Variants in ADGRV1 observed in about 807,000 individuals in gnomAD.
ADGRV1 encodes the protein G-protein coupled receptor 98.
Under a neutral mutation model 596.2 loss-of-function variants are expected in ADGRV1, and 359 were observed. The observed-to-expected ratio is 0.60, with a 90% CI of 0.55 to 0.66. The LOEUF (loss-of-function observed/expected upper bound fraction) is 0.66, where lower values mean the gene tolerates loss of function less well. ADGRV1 is among the 30% of genes least tolerant of loss of function. The pLI, the probability that ADGRV1 is intolerant of heterozygous loss-of-function variation, is 0.00. For missense variants in ADGRV1, 7,274 were observed against 7,575.6 expected, an observed-to-expected ratio of 0.96 and a Z score of 1.48; for synonymous variants, 2,681 against 2,679.2, an observed-to-expected ratio of 1.00 and a Z score of -0.02.
At chr5:90,728,268 G>A (rs1752060625) in intron 48 of ADGRV1, among the ~76,000 whole-genome samples, 1 of 152,160 alleles carries the variant, frequency 6.6e-6, no homozygotes, top group Admixed American at 6.5e-5. Context: ...TATTGCTCGA[G>A]CAATTGATAA....
chr5:90,851,134 T>TGTGTGAGAGAGAGA (rs757909771), intron 79 of ADGRV1, among the ~76,000 whole-genome samples: 63 of 81,508 alleles, frequency 7.7e-4, no homozygotes, highest in Admixed American at 2.2e-3. Context: ...TGTGTGTGTG[T>TGTGTGAGAGAGAGA]GAGAGAGAGA....
chr5:90,619,046 A>T, intron 3 of ADGRV1, 40 bp from the exon 4 acceptor site: 1 of 957,154 alleles, frequency 1.0e-6, no homozygotes. Flanking sequence ...TTATTATTTT[A>T]TTTTTAATTC....
At chr5:91,060,396 A>ATTTTT (rs1403489090) in intron 85 of ADGRV1, among the ~76,000 whole-genome samples, 9 of 27,202 alleles carry the variant, frequency 3.3e-4, no homozygotes, top group African/African-American at 6.9e-4. Context: ...ATATATATAT[A>ATTTTT]TATTTTTTTT....
intron 83 of ADGRV1, among the ~76,000 whole-genome samples, chr5:90,920,247 C>T (rs190482245): frequency 1.8e-3 from 267 of 152,178 alleles, no homozygotes; most frequent in African/African-American, 5.8e-3. Context: ...AAAGGGCCAG[C>T]GAGCTCTCTT....
chr5:90,724,176 G>T (rs1011330659), intron 45 of ADGRV1, among the ~76,000 whole-genome samples: 11 of 152,018 alleles, frequency 7.2e-5, no homozygotes, highest in Non-Finnish European at 1.2e-4. Context: ...CAGCTTTACA[G>T]AAGTTGATAA....
chr5:90,911,553 G>A (rs959457628), intron 83 of ADGRV1, among the ~76,000 whole-genome samples: 1 of 152,170 alleles, frequency 6.6e-6, no homozygotes, highest in African/African-American at 2.4e-5. Flanking sequence ...GGAAAATAAA[G>A]TTTATTTTAG....
chr5:91,016,967 G>A (rs977684859), intron 85 of ADGRV1, among the ~76,000 whole-genome samples: 11 of 151,864 alleles, frequency 7.2e-5, no homozygotes, highest in Admixed American at 2.6e-4. Flanking sequence ...ATTGGAAGAC[G>A]TAGGGATATT....
intron 1 of ADGRV1, among the ~76,000 whole-genome samples, chr5:90,568,112 A>T (rs1215397196): frequency 6.6e-6 from 1 of 151,410 alleles, no homozygotes; most frequent in African/African-American, 2.4e-5. Context: ...TCTATATTTT[A>T]TTTGTTCCCA....
chr5:90,595,877 T>G (rs1372406011), intron 1 of ADGRV1, among the ~76,000 whole-genome samples: 8 of 131,710 alleles, frequency 6.1e-5, no homozygotes, highest in Admixed American at 1.5e-4. Context: ...GCGGCTGGCC[T>G]GGCGGGGGGC....
chr5:90,729,868 G>GTT, intron 50 of ADGRV1, 104 bp downstream of exon 50: 6 of 1,197,460 alleles, frequency 5.0e-6, no homozygotes, highest in African/African-American at 1.6e-5. Flanking sequence ...CAGACACTGG[G>GTT]TATTTTTTTT....
intron 78 of ADGRV1, among the ~76,000 whole-genome samples, chr5:90,845,299 T>G (rs1765771803): frequency 6.6e-6 from 1 of 152,168 alleles, no homozygotes; most frequent in Non-Finnish European, 1.5e-5. Context: ...TCCTCACAGG[T>G]TGTTGTGAAG....
chr5:90,829,581 C>G (rs1414986344), intron 77 of ADGRV1, among the ~76,000 whole-genome samples: 1 of 152,130 alleles, frequency 6.6e-6, no homozygotes, highest in Non-Finnish European at 1.5e-5. Context: ...ACCTCCAACA[C>G]TAGCTGATCT....
At chr5:90,672,157 A>G (rs1393948649) in intron 21 of ADGRV1, among the ~76,000 whole-genome samples, 1 of 152,170 alleles carries the variant, frequency 6.6e-6, no homozygotes, top group African/African-American at 2.4e-5. Context: ...TGCTGAGCCC[A>G]TTATAAAATT....
intron 83 of ADGRV1, among the ~76,000 whole-genome samples, chr5:90,910,250 G>T (rs1374869263): frequency 6.6e-6 from 1 of 152,188 alleles, no homozygotes; most frequent in African/African-American, 2.4e-5. Context: ...CCTAATACTA[G>T]CTTTAGCCAC....
rs143296713 is a variant in ADGRV1 at position 90,779,230 on chromosome 5, A to G, written c.13082+133A>G. The G allele has an allele frequency of 2.4e-3, 1,293 of 543,538 alleles. 11 individuals carry two copies. Among genetic ancestry groups the G allele is most frequent in the African/African-American group, 0.022 (1,143 of 53,126 alleles). The allele number at this position is 543,538 out of a possible 1,614,324, so 33.7% of individuals were successfully genotyped here. A position where few individuals can be genotyped will look rare whatever the true frequency, so the allele number is the denominator to read the frequency against. ...CTCTTTCTCAGATTTGTGTGACATT[A>G]GAACAGGACATACAAGGGAAATTAT... is the stretch of plus-strand genomic sequence containing the variant. On this transcript the variant is annotated intron_variant, in intron 64 of 89. Coordinates refer to ENST00000405460, the MANE Select transcript of ADGRV1 (RefSeq NM_032119.4).
At chr5:90,795,173 G>A (rs1410287326) in intron 70 of ADGRV1, among the ~76,000 whole-genome samples, 1 of 151,542 alleles carries the variant, frequency 6.6e-6, no homozygotes, top group Non-Finnish European at 1.5e-5. Flanking sequence ...TGGAGAGGGG[G>A]CTGAAGCCGG....
intron 85 of ADGRV1, among the ~76,000 whole-genome samples, chr5:91,022,209 G>A (rs550348492): frequency 3.9e-5 from 6 of 151,988 alleles, no homozygotes; most frequent in Non-Finnish European, 7.4e-5. Flanking sequence ...TGCCGGATTC[G>A]ATTGTAGCAG....
In ADGRV1 at chr5:90,642,875, T is replaced by C. The variant is rs1197737974; in HGVS notation, c.2387T>C (p.Leu796Pro). ...TTAAAGGAAGGAGAATCTGTAGAGC[T>C]CCACATCATCCGATCAAGGGGGTCC... ...YVIKEGESVE[L>P]HIIRSRGSLV... The change falls in exon 13 of 90, where the codon CTC becomes CCC. Residue 796 changes from leucine to proline, a missense_variant. Coordinates refer to ENST00000405460, the MANE Select transcript of ADGRV1 (RefSeq NM_032119.4). The C allele has an allele frequency of 1.2e-6, 2 of 1,607,520 alleles. No homozygotes were observed. The highest frequency in any genetic ancestry group is 1.7e-5 in the Admixed American group (1 of 59,076).
chr5:90,695,476 A>C (rs1561544793), intron 33 of ADGRV1, among the ~76,000 whole-genome samples: 1 of 151,540 alleles, frequency 6.6e-6, no homozygotes. Context: ...TATTCCACAA[A>C]ATTTTAAAAA....
Sources: allele counts gnomAD v4.1 joint callset (sites outside exome capture counted in the v4.1 genomes callset), GRCh38; gene constraint gnomAD v4.1.1; transcripts MANE v1.5; gene names NCBI Gene and HGNC (gene_info 2026-07-23, HGNC 2026-07-21).